Variants in UBE2R2 observed in about 807,000 individuals in gnomAD.
UBE2R2 encodes the protein ubiquitin conjugating enzyme E2 R2.
Under a neutral mutation model 27.8 loss-of-function variants are expected in UBE2R2, and 1 was observed. That is an observed-to-expected ratio of 0.04 (90% CI 0.01 to 0.17). The LOEUF is 0.17. UBE2R2 is among the 10% of genes least tolerant of loss of function. UBE2R2 has a pLI of 1.00. For synonymous variants in UBE2R2, 106 were observed against 113.3 expected, an observed-to-expected ratio of 0.94 and a Z score of 0.41; for missense variants, 100 against 291.0, an observed-to-expected ratio of 0.34 and a Z score of 4.78.
chr9:33,860,118 TTA>T (rs1320962467), intron 1 of UBE2R2, among the ~76,000 whole-genome samples: 81 of 143,186 alleles, frequency 5.7e-4, no homozygotes, highest in African/African-American at 1.2e-3. Flanking sequence ...TTTTTTTTTT[TTA>T]AAAAAATAGC....
chr9:33,892,166 T>G (rs942421416), intron 2 of UBE2R2, among the ~76,000 whole-genome samples: 2 of 152,224 alleles, frequency 1.3e-5, no homozygotes, highest in Non-Finnish European at 2.9e-5. Context: ...GTGATGGTAC[T>G]GCACAATCTA....
At chr9:33,848,512 G>A (rs1233950263) in intron 1 of UBE2R2, among the ~76,000 whole-genome samples, 2 of 152,082 alleles carry the variant, frequency 1.3e-5, no homozygotes, top group Non-Finnish European at 2.9e-5. Context: ...CTGGGTTACA[G>A]TTTTCAAAAG....
At chr9:33,815,381 T>G (rs1380185098), upstream of UBE2R2, among the ~76,000 whole-genome samples, 1 of 152,200 alleles carries the variant, frequency 6.6e-6, no homozygotes, top group South Asian at 2.1e-4. Flanking sequence ...ATGTAATATG[T>G]TAATAAAAGG....
rs556283337 is a variant in UBE2R2, at chr9:33,918,622, G to A, written c.*1385G>A. ...ATCCAGGAGACTTCAGAACTTGAAG[G>A]TAATTTTTGGTTGTTATGGGGGTGC... On this transcript the variant is annotated 3_prime_UTR_variant, in exon 5 of 5. Coordinates refer to ENST00000263228, the MANE Select transcript of UBE2R2 (RefSeq NM_017811.4). 8 of 152,580 alleles carry A rather than the reference G, an allele frequency of 5.2e-5. No homozygotes were observed. In the East Asian group the frequency reaches 1.5e-3, roughly 29 times the overall value. The allele number at this position is 152,580 out of a possible 1,614,324, so 9.5% of individuals were successfully genotyped here. A position where few individuals can be genotyped will look rare whatever the true frequency, so the allele number is the denominator to read the frequency against.
At chr9:33,870,911 C>T (rs1285063976) in intron 1 of UBE2R2, among the ~76,000 whole-genome samples, 1 of 152,164 alleles carries the variant, frequency 6.6e-6, no homozygotes, top group African/African-American at 2.4e-5. Context: ...AATATTAAAT[C>T]AATTACAGAG....
chr9:33,906,948 T>C (rs1822370300), intron 3 of UBE2R2, among the ~76,000 whole-genome samples: 1 of 152,152 alleles, frequency 6.6e-6, no homozygotes, highest in Non-Finnish European at 1.5e-5. Context: ...CAAAGATCAC[T>C]TGAGCCCAAG....
intron 1 of UBE2R2, among the ~76,000 whole-genome samples, chr9:33,848,268 G>A (rs753217582): frequency 2.0e-4 from 30 of 151,830 alleles, no homozygotes; most frequent in Non-Finnish European, 5.9e-5. Flanking sequence ...TAAAGTCCAC[G>A]TTTGCCAGCT....
chr9:33,866,476 C>T (rs1023333861), intron 1 of UBE2R2, among the ~76,000 whole-genome samples: 4 of 151,946 alleles, frequency 2.6e-5, no homozygotes, highest in Non-Finnish European at 2.9e-5. Flanking sequence ...TGACTTCAGG[C>T]GATCCACCCG....
chr9:33,884,516 G>C (rs1009637126), intron 1 of UBE2R2, among the ~76,000 whole-genome samples: 8 of 151,846 alleles, frequency 5.3e-5, no homozygotes, highest in Admixed American at 2.0e-4. Flanking sequence ...GGGCTCAAGG[G>C]ATCCACCTGC....
At chr9:33,884,289 C>CTT (rs910443817) in intron 1 of UBE2R2, among the ~76,000 whole-genome samples, 1 of 100,040 alleles carries the variant, frequency 1.0e-5, no homozygotes, top group Admixed American at 1.3e-4. Flanking sequence ...CTTTTTCTTT[C>CTT]TTTTTTTTTT....
At chr9:33,877,066 T>C (rs1421748191) in intron 1 of UBE2R2, among the ~76,000 whole-genome samples, 8 of 151,882 alleles carry the variant, frequency 5.3e-5, no homozygotes, top group South Asian at 2.1e-4. Flanking sequence ...ACAGCTTGAA[T>C]TTGGGAAGTG....
chr9:33,846,424 A>G (rs4515641), intron 1 of UBE2R2, among the ~76,000 whole-genome samples: 40,377 of 152,128 alleles, frequency 0.27, 5,546 homozygotes, highest in South Asian at 0.41. Flanking sequence ...TTGTCATTGC[A>G]TAATAAAGAC....
At position 33,884,961 on chromosome 9, in the gene UBE2R2, CG is replaced by C. The variant is rs1009353734; in HGVS notation, c.178-1919del. ...CTTCTTTTACCTAATTATATAATGT[CG>C]ATATTATTGTTATGTGTGGCCAGTG... On this transcript the variant is annotated intron_variant, in intron 1 of 4. Coordinates refer to ENST00000263228, the MANE Select transcript of UBE2R2 (RefSeq NM_017811.4). Among the ~76,000 whole-genome samples the C allele has an allele frequency of 1.5e-3, 225 of 152,092 alleles. 4 individuals are homozygous for C. The highest frequency in any genetic ancestry group is 4.9e-3 in the African/African-American group (203 of 41,484).
chr9:33,901,113 A>G (rs769204306), intron 3 of UBE2R2, among the ~76,000 whole-genome samples: 1 of 152,046 alleles, frequency 6.6e-6, no homozygotes, highest in Non-Finnish European at 1.5e-5. Flanking sequence ...ATGCCACCAT[A>G]CCTAGCTATT....
At chr9:33,815,554 C>T (rs538749489), upstream of UBE2R2, among the ~76,000 whole-genome samples, 6 of 152,212 alleles carry the variant, frequency 3.9e-5, no homozygotes, top group South Asian at 4.2e-4. Flanking sequence ...AGACCAGCCT[C>T]GCCAACATGG....
chr9:33,879,941 G>A (rs1349776966), intron 1 of UBE2R2, among the ~76,000 whole-genome samples: 2 of 151,422 alleles, frequency 1.3e-5, no homozygotes, highest in African/African-American at 4.9e-5. Context: ...GGAGTGCAGT[G>A]GCAAGGTTAT....
intron 1 of UBE2R2, among the ~76,000 whole-genome samples, chr9:33,851,231 T>A (rs181646121): frequency 4.6e-5 from 7 of 152,334 alleles, no homozygotes; most frequent in Non-Finnish European, 1.0e-4. Flanking sequence ...TCCTGAACCA[T>A]TTGAGGGTGA....
At chr9:33,853,877 G>C (rs907262628) in intron 1 of UBE2R2, among the ~76,000 whole-genome samples, 1 of 133,122 alleles carries the variant, frequency 7.5e-6, no homozygotes, top group Non-Finnish European at 1.6e-5. Context: ...AAAATATTTT[G>C]TGGAGTCCAG....
chr9:33,826,248 T>C (rs1820313117), intron 1 of UBE2R2, among the ~76,000 whole-genome samples: 1 of 152,170 alleles, frequency 6.6e-6, no homozygotes, highest in Non-Finnish European at 1.5e-5. Context: ...ATTCAGAGAT[T>C]ATGCTTATGT....
Sources: gnomAD v4.1 joint callset for allele counts (sites outside exome capture counted in the v4.1 genomes callset) on GRCh38, gnomAD v4.1.1 for gene constraint, MANE v1.5 for transcripts, NCBI Gene and HGNC (gene_info 2026-07-23, HGNC 2026-07-21) for gene names.